The following CLCA2 variants were observed in gnomAD, a reference collection of about 807,000 sequenced individuals.
CLCA2 encodes the protein calcium-activated chloride channel regulator 2.
In CLCA2, 85 loss-of-function variants were observed where a neutral mutation model predicts 82.9. The observed-to-expected ratio is 1.03, with a 90% CI of 0.86 to 1.23. The LOEUF (loss-of-function observed/expected upper bound fraction) is 1.23. CLCA2 is among the 50% of genes most tolerant of loss of function. CLCA2 has a pLI of 0.00. For missense variants in CLCA2, 1,089 were observed against 1,124.8 expected (o/e 0.97, Z 0.45); for synonymous variants, 421 against 391.7 (o/e 1.07, Z -0.88).
At chr1:86,450,780 A>C (rs1570267930) in intron 12 of CLCA2, 47 bp downstream of exon 12, 2 of 1,494,204 alleles carry the variant, frequency 1.3e-6, no homozygotes, top group African/African-American at 1.4e-5. Context: ...TTTCATGTAC[A>C]TATCTCTGAT....
At chr1:86,453,754 C>A (rs1291254885) in intron 13 of CLCA2, 152 bp downstream of exon 13, 3 of 709,638 alleles carry the variant, frequency 4.2e-6, no homozygotes, top group African/African-American at 3.6e-5. Context: ...CCCAGAAGGA[C>A]AGTGTGTTGC....
At chr1:86,444,087 T>G in intron 10 of CLCA2, 76 bp downstream of exon 10, 1 of 936,350 alleles carries the variant, frequency 1.1e-6, no homozygotes, top group East Asian at 2.4e-5. Context: ...CATGATTAAA[T>G]GCATTGTGTA....
rs754190846 is a variant in CLCA2 at position 86,447,605 on chromosome 1, C to T, written c.1811C>T (p.Pro604Leu). Residue 604 changes from proline to leucine, a missense_variant, in exon 11 of 14, where the codon CCA becomes CTA. Pro to Leu is a moderately conservative substitution (Grantham distance 98). Coordinates refer to ENST00000370565, the MANE Select transcript of CLCA2 (RefSeq NM_006536.7). ...TSRASNSAVP[P>L]ATVEAFVERD... is the part of the protein sequence containing the mutation. ...CGCGCCTCCAACTCAGCTGTGCCCC[C>T]AGCCACTGTGGAAGCCTTTGTGGAA... 6.2e-7 allele frequency: 1 copy of T among 1,614,140 alleles called. No homozygotes were observed. Among genetic ancestry groups the T allele is most frequent in the East Asian group, 2.2e-5 (1 of 44,870 alleles).
chr1:86,435,948 G>T (rs1397949091), intron 6 of CLCA2, among the ~76,000 whole-genome samples: 1 of 151,420 alleles, frequency 6.6e-6, no homozygotes, highest in Non-Finnish European at 1.5e-5. Context: ...AAAAAAAGAG[G>T]CTTTTTCATG....
Position 86,434,502 on chromosome 1 carries a change from C to T in CLCA2, c.745-16C>T. ...GAGAAGTGCCTCTCTTTATTAAAGA[C>T]TGTTTTTATTTCCAGGTGGTTGAAT... On this transcript the variant is annotated splice_polypyrimidine_tract_variant and intron_variant, in intron 5 of 13. Transcript: ENST00000370565. 1.2e-6 allele frequency: 2 copies of T among 1,605,318 alleles called. No homozygotes were observed. The highest frequency in any genetic ancestry group is 1.7e-6 in the Non-Finnish European group (2 of 1,172,184).
intron 6 of CLCA2, among the ~76,000 whole-genome samples, chr1:86,437,749 T>A (rs1050874856): frequency 6.6e-6 from 1 of 152,032 alleles, no homozygotes; most frequent in African/African-American, 2.4e-5. Flanking sequence ...GTAACAGAAA[T>A]GGTAAGAGAG....
In CLCA2 at chr1:86,425,454, T is replaced by C. The variant is rs781502557; in HGVS notation, c.302T>C (p.Ile101Thr). 1 of 1,549,418 alleles carries C rather than the reference T, an allele frequency of 6.5e-7. No individual in the cohort carries two copies. ...TGGAAAGCTAATAATAACAGCAAAATAAAACAAGAATCATATGAAAAGGTA... is the reference window on the plus strand; with the variant it reads ...TGGAAAGCTAATAATAACAGCAAAACAAAACAAGAATCATATGAAAAGGTA... The part of the protein sequence containing the change: ...ATWKANNNSK[I>T]KQESYEKANV... Residue 101 changes from isoleucine to threonine, a missense_variant, in exon 2 of 14, where the codon ATA becomes ACA. Physicochemically the swap from Ile to Thr is moderately conservative, Grantham distance 89. Transcript: ENST00000370565.
intron 10 of CLCA2, among the ~76,000 whole-genome samples, chr1:86,444,879 T>TTGTTGTTG (rs1662816829): frequency 9.5e-5 from 14 of 148,020 alleles, no homozygotes; most frequent in Admixed American, 5.4e-4. Flanking sequence ...CACCCCCACT[T>TTGTTGTTG]TTGTTGTTGT....
At chr1:86,451,767 G>A (rs1347927697) in intron 12 of CLCA2, among the ~76,000 whole-genome samples, 4 of 152,106 alleles carry the variant, frequency 2.6e-5, no homozygotes, top group African/African-American at 9.7e-5. Context: ...GCTTCTGTGT[G>A]TCTCAGTTTC....
At chr1:86,436,113 C>T (rs1439469693) in intron 6 of CLCA2, among the ~76,000 whole-genome samples, 1 of 152,200 alleles carries the variant, frequency 6.6e-6, no homozygotes, top group East Asian at 1.9e-4. Flanking sequence ...TAATGGCCAG[C>T]AAAGCCTAAA....
intron 10 of CLCA2, 75 bp downstream of exon 10, chr1:86,444,086 A>C (rs977798715): frequency 3.9e-5 from 37 of 946,306 alleles, no homozygotes; most frequent in East Asian, 1.2e-4. Context: ...ACATGATTAA[A>C]TGCATTGTGT....
chr1:86,437,491 G>T (rs925325003), intron 6 of CLCA2, among the ~76,000 whole-genome samples: 3 of 152,198 alleles, frequency 2.0e-5, no homozygotes, highest in Non-Finnish European at 2.9e-5. Flanking sequence ...ATTCAACTAG[G>T]CGCTTGCTAG....
At chr1:86,446,251 GCT>G (rs1662852147) in intron 10 of CLCA2, among the ~76,000 whole-genome samples, 1 of 132,466 alleles carries the variant, frequency 7.5e-6, no homozygotes, top group Non-Finnish European at 1.5e-5. Flanking sequence ...ATGGAGTCTC[GCT>G]CTGTCACCAG....
Position 86,424,261 on chromosome 1 carries a change from G to A in CLCA2, c.14G>A (p.Ser5Asn), listed in dbSNP as rs141484372. ...CTTCTCTACAACATGACCCAAAGGA[G>A]CATTGCAGGTCCTATTTGCAACCTG... Reference protein sequence around the residue: MTQRSIAGPICNLKF... With the variant: MTQRNIAGPICNLKF... The change falls in exon 1 of 14, where the codon AGC becomes AAC. Residue 5 changes from serine to asparagine, a missense_variant. Ser to Asn is a conservative substitution (Grantham distance 46). Transcript: ENST00000370565. 1.1e-4 allele frequency: 172 copies of A among 1,612,868 alleles called. No individual in the cohort carries two copies. The African/African-American group carries it at 2.1e-3, about 20-fold the overall frequency.
chr1:86,444,122 A>T (rs958264682), intron 10 of CLCA2, 111 bp downstream of exon 10: 1 of 715,588 alleles, frequency 1.4e-6, no homozygotes, highest in Non-Finnish European at 2.3e-6. Flanking sequence ...TTAATATATC[A>T]AAAGTTTACT....
intron 5 of CLCA2, 135 bp downstream of exon 5, chr1:86,432,663 T>C (rs568542100): frequency 4.8e-6 from 5 of 1,031,168 alleles, no homozygotes; most frequent in Non-Finnish European, 6.8e-6. Flanking sequence ...CTAGTTTTTA[T>C]CTACAGATTT....
At chr1:86,441,654 A>C in intron 9 of CLCA2, 111 bp downstream of exon 9, 1 of 694,778 alleles carries the variant, frequency 1.4e-6, no homozygotes, top group South Asian at 1.8e-5. Flanking sequence ...TTGAATATGT[A>C]ACAGCTGTGT....
intron 2 of CLCA2, among the ~76,000 whole-genome samples, chr1:86,427,781 G>A (rs1379182647): frequency 1.3e-5 from 2 of 152,056 alleles, no homozygotes; most frequent in African/African-American, 2.4e-5. Context: ...TATATGAGTG[G>A]ATATTTCAGT....
Position 86,438,868 on chromosome 1 carries a change from G to T in CLCA2, c.973-8G>T. 6.2e-7 allele frequency: 1 copy of T among 1,609,166 alleles called. No homozygotes were observed. ...TTGCCATTTTCTTTTTTCCTTTTTGGGACATAGGCTGACAGACTCCTTCAA... is the reference window on the plus strand; with the variant it reads ...TTGCCATTTTCTTTTTTCCTTTTTGTGACATAGGCTGACAGACTCCTTCAA... On this transcript the variant is annotated splice_region_variant and splice_polypyrimidine_tract_variant and intron_variant, in intron 6 of 13. Transcript: ENST00000370565.
Sources: allele counts gnomAD v4.1 joint callset (sites outside exome capture counted in the v4.1 genomes callset), GRCh38; gene constraint gnomAD v4.1.1; transcripts MANE v1.5; gene names NCBI Gene and HGNC (gene_info 2026-07-23, HGNC 2026-07-21).